FAM13B: variants seen among roughly 807,000 people sequenced by gnomAD.
FAM13B encodes the protein family with sequence similarity 13 member B.
A neutral mutation model predicts 117.3 loss-of-function variants in FAM13B; 60 were observed. The ratio of observed to expected loss-of-function variants is 0.51; its 90% CI spans 0.42 to 0.63. FAM13B has a LOEUF of 0.63. FAM13B is among the 30% of genes least tolerant of loss of function. FAM13B has a pLI of 0.00. For missense variants in FAM13B, 972 were observed against 1,091.9 expected (o/e 0.89, Z 1.55); for synonymous variants, 332 against 356.1 (o/e 0.93, Z 0.76).
chr5:138,043,961 C>T (rs941601924), intron 1 of FAM13B, among the ~76,000 whole-genome samples: 1 of 152,016 alleles, frequency 6.6e-6, no homozygotes, highest in African/African-American at 2.4e-5. Flanking sequence ...CTCCATCTCC[C>T]AGGCTGGAGT....
rs1787995562 is a variant in FAM13B, at chr5:138,025,302, TATATATA to T, written c.-202-4112_-202-4106del. Among the ~76,000 whole-genome samples, 2 of 128,948 alleles carry T rather than the reference TATATATA, an allele frequency of 1.6e-5. 1 individual carries two copies. Among genetic ancestry groups the T allele is most frequent in the Admixed American group, 1.7e-4 (2 of 11,668 alleles). 84.6% of individuals were successfully genotyped at this position (128,948 alleles called of 152,430 possible). On this transcript the variant is annotated intron_variant, in intron 1 of 23. Transcript: ENST00000689681. ...ACAAACAAAGCCATATATATATATA[TATATATA>T]TGTATTTTTTTTTTTTTTTTTTTTG...
intron 1 of FAM13B, among the ~76,000 whole-genome samples, chr5:138,044,358 C>A (rs1479248944): frequency 6.6e-6 from 1 of 152,096 alleles, no homozygotes; most frequent in East Asian, 1.9e-4. Flanking sequence ...TCGAGACCAG[C>A]CTGACCAATG....
chr5:137,942,786 T>G (rs1762241269), intron 22 of FAM13B, 89 bp downstream of exon 22: 1 of 1,133,622 alleles, frequency 8.8e-7, no homozygotes, highest in South Asian at 1.8e-5. Flanking sequence ...CATCTCCTAT[T>G]AATTCCTTAA....
intron 13 of FAM13B, among the ~76,000 whole-genome samples, chr5:137,957,540 CAAAAAAAAAAA>C (rs35104775): frequency 5.4e-4 from 30 of 55,432 alleles, no homozygotes; most frequent in Non-Finnish European, 9.4e-4. Flanking sequence ...AACTCCGTCT[CAAAAAAAAAAA>C]AAAAAAAAAA....
intron 15 of FAM13B, among the ~76,000 whole-genome samples, chr5:137,953,721 T>C (rs1184534637): frequency 6.6e-6 from 1 of 152,198 alleles, no homozygotes; most frequent in Admixed American, 6.5e-5. Context: ...CAAAGATACC[T>C]AGCAGCTCAG....
chr5:138,033,309 T>A (rs890354013), upstream of FAM13B, among the ~76,000 whole-genome samples: 2 of 151,200 alleles, frequency 1.3e-5, no homozygotes, highest in African/African-American at 4.9e-5. Context: ...TATGGGGAGG[T>A]TGGGAAACAG....
At chr5:138,013,847 ACT>A (rs1784635540) in intron 4 of FAM13B, among the ~76,000 whole-genome samples, 3 of 152,206 alleles carry the variant, frequency 2.0e-5, no homozygotes, top group African/African-American at 7.2e-5. Flanking sequence ...GCTCTGTGGC[ACT>A]TAATGTCTAG....
intron 2 of FAM13B, chr5:138,020,110 G>A: frequency 1.7e-6 from 1 of 585,198 alleles, no homozygotes; most frequent in Non-Finnish European, 2.2e-6. Context: ...GCCCAGGCTG[G>A]AGTGCAATGG....
rs1185736607 is a variant in FAM13B at position 137,938,035 on chromosome 5, G to A, written c.*2190C>T. 1 of 151,832 alleles carries A rather than the reference G, an allele frequency of 6.6e-6. No individual in the cohort carries two copies. The highest frequency in any genetic ancestry group is 2.4e-5 in the African/African-American group (1 of 41,320). The allele number at this position is 151,832 out of a possible 1,614,324, so 9.4% of individuals were successfully genotyped here. A position where few individuals can be genotyped will look rare whatever the true frequency, so the allele number is the denominator to read the frequency against. ...GACACAGCAATGCCATTATACTGGTGGACATATATATCTATATATTATTTG... is the reference window on the plus strand; with the variant it reads ...GACACAGCAATGCCATTATACTGGTAGACATATATATCTATATATTATTTG... On this transcript the variant is annotated 3_prime_UTR_variant, in exon 24 of 24. Coordinates refer to ENST00000689681, the MANE Select transcript of FAM13B (RefSeq NM_001385994.1).
intron 6 of FAM13B, among the ~76,000 whole-genome samples, chr5:138,008,314 T>A (rs959422104): frequency 6.6e-6 from 1 of 152,114 alleles, no homozygotes; most frequent in Non-Finnish European, 1.5e-5. Context: ...TGGTGGCATG[T>A]GCTTGTAGTC....
intron 12 of FAM13B, among the ~76,000 whole-genome samples, 172 bp downstream of exon 12, chr5:137,959,994 C>G (rs571681399): frequency 6.6e-6 from 1 of 152,238 alleles, no homozygotes; most frequent in East Asian, 1.9e-4. Flanking sequence ...TTTTCACAAC[C>G]AAGTCTCTTG....
intron 10 of FAM13B, among the ~76,000 whole-genome samples, chr5:137,973,912 T>C (rs377362522): frequency 2.8e-5 from 4 of 144,734 alleles, no homozygotes; most frequent in South Asian, 2.4e-4. Flanking sequence ...GAGATACCAT[T>C]TCACACCAGT....
intron 16 of FAM13B, among the ~76,000 whole-genome samples, chr5:137,952,963 TTAAAA>T (rs1765456039): frequency 6.6e-6 from 1 of 152,180 alleles, no homozygotes; most frequent in African/African-American, 2.4e-5. Flanking sequence ...GTTCTAACTA[TTAAAA>T]TTCTCTTTCC....
At chr5:138,046,442 G>C (rs1169245397) in intron 1 of FAM13B, among the ~76,000 whole-genome samples, 1 of 152,132 alleles carries the variant, frequency 6.6e-6, no homozygotes, top group Non-Finnish European at 1.5e-5. Context: ...TTGAGGAAGG[G>C]GCATTGTCTA....
intron 11 of FAM13B, 81 bp downstream of exon 11, chr5:137,962,324 C>A: frequency 9.0e-7 from 1 of 1,108,344 alleles, no homozygotes; most frequent in South Asian, 1.3e-5. Context: ...AATGGACATT[C>A]ATCTAAAAAA....
intron 9 of FAM13B, among the ~76,000 whole-genome samples, chr5:137,986,486 A>C (rs1054220378): frequency 2.0e-5 from 3 of 147,886 alleles, no homozygotes; most frequent in Non-Finnish European, 4.5e-5. Context: ...ACGGTCTCTG[A>C]GGGAGGCACA....
Position 138,031,004 on chromosome 5 carries a change from G to A in FAM13B, c.-203+1778C>T, listed in dbSNP as rs181232131. ...GCCGAGATTGCACCACTGCACTCCA[G>A]CCTGGGCGACAGTGATGCCCTGTCT... On this transcript the variant is annotated intron_variant, in intron 1 of 23. Transcript: ENST00000689681. 1.5e-4 allele frequency among the ~76,000 whole-genome samples: 23 copies of A among 152,114 alleles called. No homozygotes were observed. In the East Asian group the frequency reaches 4.3e-3, roughly 28 times the overall value.
intron 10 of FAM13B, among the ~76,000 whole-genome samples, chr5:137,969,208 C>T (rs1482085629): frequency 1.3e-5 from 2 of 152,176 alleles, no homozygotes; most frequent in Admixed American, 6.5e-5. Context: ...CTTAAATGTC[C>T]CTGTCTGACA....
At chr5:138,005,823 T>C (rs1245853956) in intron 7 of FAM13B, among the ~76,000 whole-genome samples, 2 of 152,128 alleles carry the variant, frequency 1.3e-5, no homozygotes, top group Admixed American at 6.5e-5. Flanking sequence ...TAAATGGCAA[T>C]AGATAGCTCT....
Sources: gnomAD v4.1 joint callset for allele counts (sites outside exome capture counted in the v4.1 genomes callset) on GRCh38, gnomAD v4.1.1 for gene constraint, MANE v1.5 for transcripts, NCBI Gene and HGNC (gene_info 2026-07-23, HGNC 2026-07-21) for gene names.